The following KIF1B variants were observed in gnomAD, a reference collection of about 807,000 sequenced individuals.
KIF1B encodes kinesin family member 1B.
Under a neutral mutation model 241.9 loss-of-function variants are expected in KIF1B, and 76 were observed. The observed-to-expected ratio is 0.31, with a 90% CI of 0.26 to 0.38. KIF1B has a LOEUF of 0.38. Among genes scored for constraint, KIF1B ranks in the 10% least tolerant of loss-of-function variants. The pLI, the probability that KIF1B is intolerant of heterozygous loss-of-function variation, is 1.00. For missense variants in KIF1B, 1,622 were observed against 2,271.4 expected (o/e 0.71, Z 5.81); for synonymous variants, 750 against 796.7 (o/e 0.94, Z 0.99).
intron 27 of KIF1B, among the ~76,000 whole-genome samples, chr1:10,330,004 G>A (rs2102306439): frequency 6.6e-6 from 1 of 152,230 alleles, no homozygotes; most frequent in East Asian, 1.9e-4. Flanking sequence ...TCTATAAGTA[G>A]CACCATAATT....
chr1:10,290,671 AC>A (rs1406494231), intron 15 of KIF1B, among the ~76,000 whole-genome samples: 2 of 151,754 alleles, frequency 1.3e-5, no homozygotes, highest in East Asian at 3.9e-4. Flanking sequence ...AGAGCTTGAG[AC>A]CATCCTGGCC....
chr1:10,288,654 A>C (rs912962), intron 15 of KIF1B, among the ~76,000 whole-genome samples: 82,787 of 151,882 alleles, frequency 0.55, 23,526 homozygotes, highest in African/African-American at 0.71. Flanking sequence ...TTCCTTCTTT[A>C]ATCTGTTTTG....
In KIF1B at chr1:10,236,306, A is replaced by C. The variant is rs9700996; in HGVS notation, c.106+3872A>C. Among the ~76,000 whole-genome samples the C allele has an allele frequency of 7.1e-4, 106 of 148,776 alleles. 1 individual carries two copies. The highest frequency in any genetic ancestry group is 3.6e-3 in the Middle Eastern group (1 of 278). ...ACAACAACAACAACAACAACAACAA[A>C]AACCCATATAGTATATTTGGGAAAA... On this transcript the variant is annotated intron_variant, in intron 2 of 48. Transcript: ENST00000676179.
In KIF1B at chr1:10,326,004, T is replaced by C; in HGVS notation, c.2676-107T>C. ...TTTGCTTTTCCATTTGCTTTTATTG[T>C]GTTGATTCCCCAGTGGATTCTGTCC... On this transcript the variant is annotated intron_variant, in intron 26 of 48. Transcript: ENST00000676179. The surrounding 1 kb of genome is among the most constrained non-coding windows in gnomAD (Gnocchi z 5.2). 7.0e-7 allele frequency: 1 copy of C among 1,418,706 alleles called. No individual in the cohort carries two copies. The highest frequency in any genetic ancestry group is 9.9e-7 in the Non-Finnish European group (1 of 1,011,438). The allele number at this position is 1,418,706 out of a possible 1,614,324, so 87.9% of individuals were successfully genotyped here.
intron 1 of KIF1B, among the ~76,000 whole-genome samples, chr1:10,220,397 T>TAGACGATA (rs1553160022): frequency 6.9e-6 from 1 of 144,172 alleles, no homozygotes; most frequent in Middle Eastern, 3.2e-3. Context: ...GATAGATAGA[T>TAGACGATA]GATAGATAGA....
chr1:10,367,598 G>A (rs544867478), intron 43 of KIF1B, among the ~76,000 whole-genome samples: 26 of 151,054 alleles, frequency 1.7e-4, no homozygotes, highest in African/African-American at 5.6e-4. Flanking sequence ...GCAGTGGTGC[G>A]ATCTCGGCTC....
chr1:10,230,590 C>T (rs889818491), intron 1 of KIF1B, among the ~76,000 whole-genome samples: 1 of 152,036 alleles, frequency 6.6e-6, no homozygotes. Context: ...TGTGTGCCAC[C>T]ACACCTGGTT....
At chr1:10,212,958 T>G (rs1646717743) in intron 1 of KIF1B, among the ~76,000 whole-genome samples, 1 of 147,670 alleles carries the variant, frequency 6.8e-6, no homozygotes. Context: ...AAAATTTGGA[T>G]AGCTTTTGCT....
chr1:10,274,503 TTA>T (rs1648995080), intron 10 of KIF1B, among the ~76,000 whole-genome samples: 1 of 152,198 alleles, frequency 6.6e-6, no homozygotes, highest in Non-Finnish European at 1.5e-5. Context: ...CTTTTTACTT[TTA>T]GTCTTTGCTT....
At chr1:10,255,906 C>T (rs1569588520) in intron 2 of KIF1B, among the ~76,000 whole-genome samples, 1 of 151,956 alleles carries the variant, frequency 6.6e-6, no homozygotes, top group East Asian at 1.9e-4. Context: ...CCTCCGACCT[C>T]AGCTTCCTAA....
Position 10,379,108 on chromosome 1 carries a change from C to A in KIF1B, c.*2521C>A, listed in dbSNP as rs1638960336. 1 of 231,716 alleles carries A rather than the reference C, an allele frequency of 4.3e-6. No homozygotes were observed. The highest frequency in any genetic ancestry group is 2.2e-5 in the African/African-American group (1 of 45,190). The allele number at this position is 231,716 out of a possible 1,614,324, so 14.4% of individuals were successfully genotyped here. On this transcript the variant is annotated 3_prime_UTR_variant, in exon 49 of 49. Transcript: ENST00000676179. Reference sequence around the variant, plus strand: ...GGAAATGAAGATGGAATTTGAAGGTCACTTTTAAAATTAAGTCATTGATGC... The same window carrying A: ...GGAAATGAAGATGGAATTTGAAGGTAACTTTTAAAATTAAGTCATTGATGC...
chr1:10,296,006 G>A (rs1650246401), intron 19 of KIF1B, among the ~76,000 whole-genome samples: 2 of 152,154 alleles, frequency 1.3e-5, no homozygotes, highest in African/African-American at 4.8e-5. Context: ...TAGGCAATTA[G>A]GCTTGGTCTG....
At chr1:10,225,368 C>T (rs1001315685) in intron 1 of KIF1B, among the ~76,000 whole-genome samples, 2 of 152,052 alleles carry the variant, frequency 1.3e-5, no homozygotes, top group South Asian at 2.1e-4. Context: ...CCCTGTAGCT[C>T]CAGCTGCTCG....
rs1557693767 is a variant in KIF1B at position 10,293,416 on chromosome 1, AG to A, written c.1590+1295del. Reference sequence around the variant, plus strand: ...AAATTTTTTTTTTTTTTTTTTTTTGAGACAGAGTCTCACTCTGTCGCCAGGC... The same window carrying A: ...AAATTTTTTTTTTTTTTTTTTTTTGAACAGAGTCTCACTCTGTCGCCAGGC... On this transcript the variant is annotated intron_variant, in intron 17 of 48. Coordinates refer to ENST00000676179, the MANE Select transcript of KIF1B (RefSeq NM_001365951.3). Among the ~76,000 whole-genome samples the A allele has an allele frequency of 9.6e-5, 11 of 114,394 alleles. No homozygotes were observed. The Admixed American group carries it at 9.7e-4, about 10-fold the overall frequency. The allele number at this position is 114,394 out of a possible 152,430, so 75.0% of individuals were successfully genotyped here. A position where few individuals can be genotyped will look rare whatever the true frequency, so the allele number is the denominator to read the frequency against.
chr1:10,228,206 G>GA (rs1646935113), intron 1 of KIF1B, among the ~76,000 whole-genome samples: 1 of 151,398 alleles, frequency 6.6e-6, no homozygotes, highest in Admixed American at 6.6e-5. Flanking sequence ...AAAGAAAAGA[G>GA]AAAAAAAAGA....
chr1:10,215,157 TA>T (rs1646747515), intron 1 of KIF1B, among the ~76,000 whole-genome samples: 5 of 68,420 alleles, frequency 7.3e-5, no homozygotes, highest in African/African-American at 3.0e-4. Flanking sequence ...TATATATATA[TA>T]TATATATATA....
At chr1:10,368,413 C>T in intron 43 of KIF1B, 54 bp from the exon 44 acceptor site, 2 of 1,502,084 alleles carry the variant, frequency 1.3e-6, no homozygotes, top group East Asian at 4.5e-5. Context: ...TATCCCAAGG[C>T]TCCTGGCTGT....
intron 5 of KIF1B, among the ~76,000 whole-genome samples, chr1:10,262,426 A>G (rs1203989381): frequency 6.6e-6 from 1 of 152,212 alleles, no homozygotes; most frequent in Non-Finnish European, 1.5e-5. Flanking sequence ...CTGGGGTTGC[A>G]GTGTGAATCA....
rs140404881 is a variant in KIF1B, at chr1:10,252,246, G to T, written c.107-4001G>T. 7.0e-3 allele frequency among the ~76,000 whole-genome samples: 1,062 copies of T among 151,912 alleles called. 32 individuals carry two copies. The highest frequency in any genetic ancestry group is 0.068 in the East Asian group (352 of 5,146). On this transcript the variant is annotated intron_variant, in intron 2 of 48. Transcript: ENST00000676179. ...GTAGAGACGGGGTTTCACCACGTTGGCCAGGCTGGTCGCAAACTCCTGACC... is the reference window on the plus strand; with the variant it reads ...GTAGAGACGGGGTTTCACCACGTTGTCCAGGCTGGTCGCAAACTCCTGACC...
Sources: allele counts gnomAD v4.1 joint callset (sites outside exome capture counted in the v4.1 genomes callset), GRCh38; gene constraint gnomAD v4.1.1; non-coding constraint Gnocchi (gnomAD v3.1); transcripts MANE v1.5; gene names NCBI Gene and HGNC (gene_info 2026-07-23, HGNC 2026-07-21).